LRP6: variants seen among roughly 807,000 people sequenced by gnomAD.
LRP6 encodes the protein low-density lipoprotein receptor-related protein 6.
A neutral mutation model predicts 184.1 loss-of-function variants in LRP6; 43 were observed. That is an observed-to-expected ratio of 0.23 (90% CI 0.18 to 0.30). The LOEUF (loss-of-function observed/expected upper bound fraction) is 0.30, where lower values mean the gene tolerates loss of function less well. Among genes scored for constraint, LRP6 ranks in the 10% least tolerant of loss-of-function variants. The pLI is 1.00. For synonymous variants in LRP6, 719 were observed against 684.9 expected, an observed-to-expected ratio of 1.05 and a Z score of -0.78; for missense variants, 1,571 against 2,005.3, an observed-to-expected ratio of 0.78 and a Z score of 4.14.
intron 10 of LRP6, among the ~76,000 whole-genome samples, chr12:12,160,678 T>C (rs1862717781): frequency 6.6e-6 from 1 of 152,236 alleles, no homozygotes; most frequent in Non-Finnish European, 1.5e-5. Flanking sequence ...CTTACAGTAA[T>C]CCTACAGTAT....
chr12:12,182,410 A>C (rs1268576815), intron 5 of LRP6, among the ~76,000 whole-genome samples: 2 of 146,996 alleles, frequency 1.4e-5, no homozygotes, highest in Non-Finnish European at 3.0e-5. Flanking sequence ...GAATGAAGAT[A>C]CTGAGCTCAA....
chr12:12,198,654 C>T (rs1863834480), intron 3 of LRP6, among the ~76,000 whole-genome samples: 1 of 151,228 alleles, frequency 6.6e-6, no homozygotes, highest in South Asian at 2.1e-4. Context: ...CTGCCTCAGC[C>T]TCCCGAGTAG....
At chr12:12,257,721 T>G in intron 1 of LRP6, among the ~76,000 whole-genome samples, 1 of 121,976 alleles carries the variant, frequency 8.2e-6, no homozygotes. Context: ...GGCAGGAGGA[T>G]CACTTGAGCC....
intron 2 of LRP6, among the ~76,000 whole-genome samples, chr12:12,230,123 T>C (rs1244081075): frequency 2.0e-5 from 3 of 152,200 alleles, no homozygotes; most frequent in East Asian, 1.9e-4. Flanking sequence ...AGGTAGAAGA[T>C]GAGCTTCATT....
At chr12:12,145,507 C>T (rs1949992276) in intron 15 of LRP6, among the ~76,000 whole-genome samples, 2 of 150,016 alleles carry the variant, frequency 1.3e-5, no homozygotes, top group South Asian at 4.3e-4. Context: ...TTCCCCTCTC[C>T]TCTCTCCCCT....
In LRP6 at chr12:12,162,260, G is replaced by A; in HGVS notation, c.2212C>T (p.His738Tyr). 3 of 1,614,178 alleles carry A rather than the reference G, an allele frequency of 1.9e-6. No individual in the cohort carries two copies. The highest frequency in any genetic ancestry group is 2.5e-6 in the Non-Finnish European group (3 of 1,180,028). The change falls in exon 10 of 23, where the codon CAC (histidine) becomes TAC (tyrosine). Residue 738 changes from histidine (H) to tyrosine (Y), a missense_variant. His to Tyr is a moderately conservative substitution (Grantham distance 83, BLOSUM62 2). This residue lies in a region of LRP6 where 158 missense variants were observed against 258.4 expected (regional missense o/e 0.61). Transcript: ENST00000261349. ...TCTTTCCACACCAAAACTTGTCGGTGCTGCCCATCCAACTTTGACACCTCA... is the reference window on the plus strand; with the variant it reads ...TCTTTCCACACCAAAACTTGTCGGTACTGCCCATCCAACTTTGACACCTCA... ...RIEVSKLDGQ[H>Y]RQVLVWKDLD...
At chr12:12,208,704 A>T (rs531446515) in intron 2 of LRP6, among the ~76,000 whole-genome samples, 1 of 152,294 alleles carries the variant, frequency 6.6e-6, no homozygotes, top group South Asian at 2.1e-4. Flanking sequence ...TTTCTCCTCT[A>T]ACCCCCAACT....
chr12:12,195,273 C>T (rs1361431644), intron 3 of LRP6, among the ~76,000 whole-genome samples: 1 of 152,090 alleles, frequency 6.6e-6, no homozygotes, highest in Admixed American at 6.5e-5. Context: ...GAGGAACTTC[C>T]ATACTGTTCT....
chr12:12,131,108 T>C (rs1233222573), intron 18 of LRP6, among the ~76,000 whole-genome samples: 1 of 137,342 alleles, frequency 7.3e-6, no homozygotes, highest in African/African-American at 2.7e-5. Context: ...TTTTTTTTTT[T>C]TTTTTTTTTT....
chr12:12,137,816 G>A (rs1235296315), intron 16 of LRP6, among the ~76,000 whole-genome samples: 1 of 151,968 alleles, frequency 6.6e-6, no homozygotes, highest in Non-Finnish European at 1.5e-5. Context: ...TCTGGTTTAT[G>A]AGATTATGTT....
chr12:12,125,497 C>G (rs1949660950), intron 20 of LRP6, 65 bp from the exon 21 acceptor site: 10 of 1,382,506 alleles, frequency 7.2e-6, no homozygotes, highest in Non-Finnish European at 9.2e-6. Context: ...CAAGCAATTT[C>G]ATTCAACAGT....
intron 3 of LRP6, among the ~76,000 whole-genome samples, chr12:12,198,530 CTTTTTTT>C (rs56150307): frequency 3.9e-5 from 3 of 76,990 alleles, no homozygotes; most frequent in South Asian, 5.9e-4. Context: ...GAATTTTTCT[CTTTTTTT>C]TTTTTTTTTT....
chr12:12,214,804 A>C (rs570985475), intron 2 of LRP6, among the ~76,000 whole-genome samples: 21 of 152,194 alleles, frequency 1.4e-4, no homozygotes, highest in Non-Finnish European at 2.6e-4. Flanking sequence ...TTCTGGTCTT[A>C]AAGCTTGAAT....
At chr12:12,174,275 C>T (rs1411352457) in intron 7 of LRP6, among the ~76,000 whole-genome samples, 1 of 152,058 alleles carries the variant, frequency 6.6e-6, no homozygotes, top group Non-Finnish European at 1.5e-5. Context: ...CCACGTTTGG[C>T]TAATTTTTGT....
intron 1 of LRP6, among the ~76,000 whole-genome samples, chr12:12,264,633 A>ATC (rs1249547713): frequency 6.6e-6 from 1 of 152,232 alleles, no homozygotes; most frequent in African/African-American, 2.4e-5. Flanking sequence ...CAAATCAATC[A>ATC]GATTTTTCTC....
At chr12:12,259,730 C>G (rs971341665) in intron 1 of LRP6, among the ~76,000 whole-genome samples, 1 of 152,158 alleles carries the variant, frequency 6.6e-6, no homozygotes, top group African/African-American at 2.4e-5. Flanking sequence ...TAAGAGCAAA[C>G]AGCCTGTTCT....
chr12:12,234,084 T>C (rs771086011), intron 2 of LRP6, among the ~76,000 whole-genome samples: 2 of 152,118 alleles, frequency 1.3e-5, no homozygotes, highest in Non-Finnish European at 2.9e-5. Flanking sequence ...GGTCAGGAGT[T>C]TGAGACCAGC....
At chr12:12,135,135 T>C (rs1949815418) in intron 17 of LRP6, 40 bp downstream of exon 17, 1 of 1,613,072 alleles carries the variant, frequency 6.2e-7, no homozygotes, top group Admixed American at 1.7e-5. Flanking sequence ...TGGAATATGT[T>C]TGCATTTAGG....
chr12:12,256,030 T>C (rs948798192), intron 1 of LRP6, among the ~76,000 whole-genome samples: 4 of 152,226 alleles, frequency 2.6e-5, no homozygotes, highest in Non-Finnish European at 4.4e-5. Context: ...CAGAAAGTCC[T>C]GCACGTAAAA....
Sources: allele counts gnomAD v4.1 joint callset (sites outside exome capture counted in the v4.1 genomes callset), GRCh38; gene constraint gnomAD v4.1.1; regional missense constraint gnomAD v4.1.1; transcripts MANE v1.5; gene names NCBI Gene and HGNC (gene_info 2026-07-23, HGNC 2026-07-21).